AGBL3: variants seen among roughly 807,000 people sequenced by gnomAD.
The protein encoded by AGBL3 is AGBL carboxypeptidase 3.
In AGBL3, 68 loss-of-function variants were observed where a neutral mutation model predicts 94.5. That is an observed-to-expected ratio of 0.72 (90% CI 0.59 to 0.88). The LOEUF (loss-of-function observed/expected upper bound fraction) is 0.88, where lower values mean the gene tolerates loss of function less well. Among genes scored for constraint, AGBL3 ranks in the 40% least tolerant of loss-of-function variants. The probability of loss-of-function intolerance (pLI) is 0.00; values close to 1 mark genes in which losing one functional copy is unlikely to be tolerated. For missense variants in AGBL3, 934 were observed against 1,103.8 expected, an observed-to-expected ratio of 0.85 and a Z score of 2.18; for synonymous variants, 354 against 370.7, an observed-to-expected ratio of 0.95 and a Z score of 0.52.
At position 135,090,597 on chromosome 7, in the gene AGBL3, C is replaced by T. The variant is rs186452757; in HGVS notation, c.2110+8807C>T. 1.1e-3 allele frequency among the ~76,000 whole-genome samples: 163 copies of T among 152,200 alleles called. 1 individual carries two copies. The highest frequency in any genetic ancestry group is 2.4e-3 in the African/African-American group (99 of 41,522). ...CACCATTTCCCTGGGATACAGGGCA[C>T]GACTCCAGCTTAGGTACTGGGGTAC... On this transcript the variant is annotated intron_variant, in intron 15 of 16. Coordinates refer to ENST00000436302, the MANE Select transcript of AGBL3 (RefSeq NM_178563.4).
chr7:135,019,099 A>G (rs946546359), intron 5 of AGBL3, among the ~76,000 whole-genome samples: 2 of 152,226 alleles, frequency 1.3e-5, no homozygotes, highest in Non-Finnish European at 2.9e-5. Context: ...TACAGTAAGT[A>G]CACTGTTATG....
chr7:135,097,943 A>G (rs1823161361), intron 15 of AGBL3, among the ~76,000 whole-genome samples: 1 of 152,174 alleles, frequency 6.6e-6, no homozygotes, highest in African/African-American at 2.4e-5. Flanking sequence ...AGATTACCTC[A>G]GTGCTTTAAA....
intron 4 of AGBL3, among the ~76,000 whole-genome samples, chr7:135,009,205 C>A (rs1382785378): frequency 6.6e-6 from 1 of 152,132 alleles, no homozygotes; most frequent in Non-Finnish European, 1.5e-5. Flanking sequence ...TTTCTTAGTG[C>A]CACATGGTGG....
chr7:135,016,378 C>A (rs1407281235), intron 4 of AGBL3, among the ~76,000 whole-genome samples: 1 of 151,898 alleles, frequency 6.6e-6, no homozygotes, highest in African/African-American at 2.4e-5. Flanking sequence ...CAGATGTACA[C>A]ATAATCTCCA....
At chr7:134,995,810 C>G (rs1810938928) in intron 4 of AGBL3, among the ~76,000 whole-genome samples, 1 of 152,138 alleles carries the variant, frequency 6.6e-6, no homozygotes, top group African/African-American at 2.4e-5. Context: ...TTATTTTGGG[C>G]TATGCCACTG....
intron 16 of AGBL3, among the ~76,000 whole-genome samples, chr7:135,122,897 G>T (rs184450297): frequency 1.3e-5 from 2 of 152,052 alleles, no homozygotes. Flanking sequence ...AAGGATCAGC[G>T]CCTCAAAGAT....
At chr7:134,992,944 G>A (rs1016176673) in intron 3 of AGBL3, among the ~76,000 whole-genome samples, 3 of 152,194 alleles carry the variant, frequency 2.0e-5, no homozygotes, top group Admixed American at 6.5e-5. Flanking sequence ...GACCATCAAC[G>A]TCAAATTGAT....
chr7:135,010,442 A>C (rs1381191133), intron 4 of AGBL3: 1 of 167,258 alleles, frequency 6.0e-6, no homozygotes, highest in Non-Finnish European at 1.3e-5. Context: ...ACTAAAATAC[A>C]CATTAAAGTT....
intron 15 of AGBL3, among the ~76,000 whole-genome samples, chr7:135,082,981 T>C (rs1160250006): frequency 6.6e-6 from 1 of 152,056 alleles, no homozygotes; most frequent in Non-Finnish European, 1.5e-5. Context: ...TAAATGCTCT[T>C]CCTCACATAT....
chr7:135,104,097 C>T (rs186760099), intron 15 of AGBL3, among the ~76,000 whole-genome samples: 101 of 152,178 alleles, frequency 6.6e-4, no homozygotes, highest in African/African-American at 2.4e-3. Flanking sequence ...GCCCCAGTGT[C>T]TGTTGTTCCC....
chr7:135,052,298 G>T (rs1367292051), intron 11 of AGBL3, among the ~76,000 whole-genome samples: 1 of 152,126 alleles, frequency 6.6e-6, no homozygotes, highest in African/African-American at 2.4e-5. Flanking sequence ...AATCACTGTA[G>T]ATTTTTCAGT....
At chr7:135,042,756 A>T (rs936708806) in intron 8 of AGBL3, among the ~76,000 whole-genome samples, 2 of 152,146 alleles carry the variant, frequency 1.3e-5, no homozygotes, top group African/African-American at 2.4e-5. Flanking sequence ...TGAAAAAAAT[A>T]CAAAAATAGC....
chr7:135,125,192 C>A (rs1375983129), intron 16 of AGBL3, among the ~76,000 whole-genome samples: 1 of 151,924 alleles, frequency 6.6e-6, no homozygotes, highest in Non-Finnish European at 1.5e-5. Context: ...CAAATAGACA[C>A]AATAAAAATG....
intron 3 of AGBL3, among the ~76,000 whole-genome samples, chr7:134,989,645 G>A (rs1019173321): frequency 3.9e-5 from 6 of 152,170 alleles, no homozygotes; most frequent in Non-Finnish European, 8.8e-5. Context: ...GAAGTACATT[G>A]TCTAAAGAGT....
At chr7:134,987,007 T>G (rs1809543697) in intron 1 of AGBL3, among the ~76,000 whole-genome samples, 1 of 152,270 alleles carries the variant, frequency 6.6e-6, no homozygotes, top group African/African-American at 2.4e-5. Flanking sequence ...GCGCCCTGTG[T>G]GCACCTGTAA....
chr7:135,034,438 A>T lies in AGBL3; in HGVS notation c.847A>T (p.Thr283Ser). Residue 283 changes from threonine to serine, a missense_variant, in exon 7 of 17, where the codon ACA (threonine) becomes TCA (serine). Thr to Ser is a moderately conservative substitution (Grantham distance 58). This residue lies in a region of AGBL3 where 488 missense variants were observed against 563.6 expected (regional missense o/e 0.87). Coordinates refer to ENST00000436302, the MANE Select transcript of AGBL3 (RefSeq NM_178563.4). The stretch of plus-strand genomic sequence containing the variant: ...GCGCCATTATTTCTCTCTTACATGG[A>T]CATTTCAATTTCCACACAACAAAGA... ...DGRHYFSLTW[T>S]FQFPHNKDTC... 6.4e-7 allele frequency: 1 copy of T among 1,551,762 alleles called. No individual in the cohort carries two copies. The highest frequency in any genetic ancestry group is 8.7e-7 in the Non-Finnish European group (1 of 1,146,996).
At position 135,045,356 on chromosome 7, in the gene AGBL3, A is replaced by T. The variant is rs1458868692; in HGVS notation, c.1628-118A>T. ...TAAATGACCTGTCCTGAAGAAAAAA[A>T]TCTAAAGGATAGGATATGGAATCAT... On this transcript the variant is annotated intron_variant, in intron 9 of 16. Coordinates refer to ENST00000436302, the MANE Select transcript of AGBL3 (RefSeq NM_178563.4). The T allele has an allele frequency of 1.8e-5, 15 of 813,224 alleles. No individual in the cohort carries two copies. In the Admixed American group the frequency reaches 3.4e-4, roughly 18 times the overall value. 50.4% of individuals were successfully genotyped at this position (813,224 alleles called of 1,614,324 possible).
intron 15 of AGBL3, chr7:135,094,345 C>T (rs769731849): frequency 1.5e-4 from 70 of 456,300 alleles, no homozygotes; most frequent in Admixed American, 5.4e-4. Flanking sequence ...AAGAGACAGA[C>T]GAATCCAGGG....
intron 8 of AGBL3, among the ~76,000 whole-genome samples, chr7:135,039,519 G>C (rs947511778): frequency 4.6e-5 from 7 of 152,154 alleles, no homozygotes; most frequent in Non-Finnish European, 1.0e-4. Flanking sequence ...CAGATCACTT[G>C]AGGTCAGGAG....
Sources: gnomAD v4.1 joint callset for allele counts (sites outside exome capture counted in the v4.1 genomes callset) on GRCh38, gnomAD v4.1.1 for gene constraint, gnomAD v4.1.1 regional missense constraint, MANE v1.5 for transcripts, NCBI Gene and HGNC (gene_info 2026-07-23, HGNC 2026-07-21) for gene names.